The following LMBRD1 variants were observed in gnomAD, a reference collection of about 807,000 sequenced individuals.
LMBRD1 encodes the protein lysosomal cobalamin transport escort protein LMBD1.
LMBRD1 carries 64 observed loss-of-function variants against 74.8 expected under a neutral mutation model. The observed-to-expected ratio is 0.86, with a 90% CI of 0.70 to 1.05. LMBRD1 has a LOEUF of 1.05. Among genes scored for constraint, LMBRD1 ranks in the 50% least tolerant of loss-of-function variants. LMBRD1 has a pLI of 0.00. For missense variants in LMBRD1, 652 were observed against 645.9 expected (o/e 1.01, Z -0.10); for synonymous variants, 204 against 216.3 (o/e 0.94, Z 0.50).
chr6:69,677,053 C>A (rs1368569098), intron 14 of LMBRD1, among the ~76,000 whole-genome samples: 3 of 152,020 alleles, frequency 2.0e-5, no homozygotes, highest in African/African-American at 7.2e-5. Context: ...AAAAGCATAA[C>A]AAATTTATTT....
chr6:69,703,514 G>C (rs1766180734), intron 9 of LMBRD1, among the ~76,000 whole-genome samples: 1 of 150,056 alleles, frequency 6.7e-6, no homozygotes, highest in Non-Finnish European at 1.5e-5. Flanking sequence ...TTCCAAATCT[G>C]TAGAGATGAC....
At chr6:69,698,988 A>G (rs941453786) in intron 13 of LMBRD1, 55 bp downstream of exon 13, 16 of 1,209,186 alleles carry the variant, frequency 1.3e-5, no homozygotes, top group Non-Finnish European at 1.8e-5. Flanking sequence ...ATTTCATTTT[A>G]AATATCACTA....
intron 3 of LMBRD1, among the ~76,000 whole-genome samples, chr6:69,753,834 G>A (rs371894526): frequency 6.6e-5 from 10 of 151,940 alleles, no homozygotes; most frequent in Non-Finnish European, 1.5e-4. Flanking sequence ...CCAGCTACTC[G>A]GGAGGCTGAG....
intron 5 of LMBRD1, among the ~76,000 whole-genome samples, chr6:69,742,794 A>C (rs1767131912): frequency 6.6e-6 from 1 of 152,056 alleles, no homozygotes; most frequent in Non-Finnish European, 1.5e-5. Flanking sequence ...ATTACTCTAA[A>C]ATTTTCTTTT....
chr6:69,718,560 G>A (rs1032657154), intron 8 of LMBRD1, among the ~76,000 whole-genome samples: 6 of 152,150 alleles, frequency 3.9e-5, no homozygotes, highest in African/African-American at 1.2e-4. Context: ...GCAGGGCTGC[G>A]AGGCCTCAGG....
Position 69,684,180 on chromosome 6 carries a change from C to T in LMBRD1, c.1418-7639G>A, listed in dbSNP as rs576874699. ...ATATTACATCCATAAAATAAGGACA[C>T]TTGAAAAGAACAATCAGAACAACAA... is the stretch of plus-strand genomic sequence containing the variant. On this transcript the variant is annotated intron_variant, in intron 14 of 15. Transcript: ENST00000649934. Among the ~76,000 whole-genome samples, 30 of 151,912 alleles carry T rather than the reference C, an allele frequency of 2.0e-4. No individual in the cohort carries two copies. The South Asian group carries it at 6.2e-3, about 32-fold the overall frequency.
intron 6 of LMBRD1, among the ~76,000 whole-genome samples, chr6:69,738,597 A>AAC (rs1193585187): frequency 7.4e-6 from 1 of 135,552 alleles, no homozygotes; most frequent in Non-Finnish European, 1.5e-5. Flanking sequence ...TAGGTTTAAA[A>AAC]ATACACACAC....
At position 69,780,487 on chromosome 6, in the gene LMBRD1, T is replaced by C. The variant is rs1765806408; in HGVS notation, c.307+7A>G. 1 of 1,598,984 alleles carries C rather than the reference T, an allele frequency of 6.3e-7. No individual in the cohort carries two copies. On this transcript the variant is annotated splice_region_variant and intron_variant, in intron 3 of 15. Coordinates refer to ENST00000649934, the MANE Select transcript of LMBRD1 (RefSeq NM_018368.4). ...CCAAATAGGGAAAGAAACTGAAAGA[T>C]ACTTACTATAGTAACCGTATAATAC...
chr6:69,778,842 G>A (rs1192576861), intron 3 of LMBRD1, among the ~76,000 whole-genome samples: 1 of 151,746 alleles, frequency 6.6e-6, no homozygotes, highest in East Asian at 1.9e-4. Context: ...AATTTCATGG[G>A]GCCTACAGAT....
chr6:69,689,969 ACACCAAAATC>A (rs1765841963), intron 14 of LMBRD1, among the ~76,000 whole-genome samples: 1 of 152,036 alleles, frequency 6.6e-6, no homozygotes, highest in Admixed American at 6.5e-5. Context: ...CCACCCTAAG[ACACCAAAATC>A]CACGGATACT....
At chr6:69,694,228 A>G (rs1247969032) in intron 14 of LMBRD1, among the ~76,000 whole-genome samples, 1 of 152,146 alleles carries the variant, frequency 6.6e-6, no homozygotes, top group Admixed American at 6.5e-5. Flanking sequence ...ATAATTTTGA[A>G]ACTACAATTT....
intron 14 of LMBRD1, among the ~76,000 whole-genome samples, chr6:69,687,760 C>T (rs899526707): frequency 6.6e-6 from 1 of 152,050 alleles, no homozygotes. Flanking sequence ...GAGTTGATGA[C>T]TTATATTAAT....
Position 69,737,966 on chromosome 6 carries a change from T to C in LMBRD1, c.612A>G (p.Gly204=), listed in dbSNP as rs1767010918. The change falls in exon 7 of 16, where the codon GGA becomes GGG. Residue 204 remains glycine, a synonymous_variant. Coordinates refer to ENST00000649934, the MANE Select transcript of LMBRD1 (RefSeq NM_018368.4). ...SFSISSLTLI[G]MLAAITYTAY... ...CTGTGTAAGTTATAGCTGCCAACATTCCAATCAAGGTCAGAGAACTGATAG... is the reference window on the plus strand; with the variant it reads ...CTGTGTAAGTTATAGCTGCCAACATCCCAATCAAGGTCAGAGAACTGATAG... The C allele has an allele frequency of 5.0e-6, 8 of 1,611,102 alleles. No homozygotes were observed. The highest frequency in any genetic ancestry group is 6.8e-6 in the Non-Finnish European group (8 of 1,178,280).
intron 3 of LMBRD1, among the ~76,000 whole-genome samples, chr6:69,752,750 T>C (rs930907479): frequency 6.6e-5 from 10 of 152,182 alleles, no homozygotes; most frequent in South Asian, 4.1e-4. Context: ...TGAGTACACT[T>C]GACACAACAT....
At chr6:69,738,121 T>C in intron 6 of LMBRD1, 106 bp from the exon 7 acceptor site, 1 of 800,734 alleles carries the variant, frequency 1.2e-6, no homozygotes, top group South Asian at 1.6e-5. Context: ...TTTGAAGAAA[T>C]AAAAACCAAT....
At chr6:69,753,764 C>T (rs1270892028) in intron 3 of LMBRD1, among the ~76,000 whole-genome samples, 1 of 152,058 alleles carries the variant, frequency 6.6e-6, no homozygotes, top group African/African-American at 2.4e-5. Context: ...CACGGTGAAA[C>T]CCCGTCTCTA....
At chr6:69,695,774 C>T (rs1297108187) in intron 14 of LMBRD1, among the ~76,000 whole-genome samples, 1 of 152,132 alleles carries the variant, frequency 6.6e-6, no homozygotes, top group South Asian at 2.1e-4. Flanking sequence ...GAGACCTCCA[C>T]CTGAACATTT....
At chr6:69,750,836 A>G (rs1765127969) in intron 4 of LMBRD1, among the ~76,000 whole-genome samples, 1 of 152,116 alleles carries the variant, frequency 6.6e-6, no homozygotes, top group South Asian at 2.1e-4. Context: ...TAAATACCTA[A>G]CTTTTTTTCT....
At chr6:69,703,616 T>C (rs978705894) in intron 9 of LMBRD1, among the ~76,000 whole-genome samples, 7 of 151,970 alleles carry the variant, frequency 4.6e-5, no homozygotes, top group African/African-American at 1.4e-4. Flanking sequence ...AAGAAAACTA[T>C]ACATACTTAA....
Sources: allele counts gnomAD v4.1 joint callset (sites outside exome capture counted in the v4.1 genomes callset), GRCh38; gene constraint gnomAD v4.1.1; transcripts MANE v1.5; gene names NCBI Gene and HGNC (gene_info 2026-07-23, HGNC 2026-07-21).